SLC6A9: variants seen among roughly 807,000 people sequenced by gnomAD.
SLC6A9 encodes sodium- and chloride-dependent glycine transporter 1.
A neutral mutation model predicts 70.9 loss-of-function variants in SLC6A9; 31 were observed. The ratio of observed to expected loss-of-function variants is 0.44; its 90% CI spans 0.33 to 0.59. The LOEUF is 0.59. Among genes scored for constraint, SLC6A9 ranks in the 20% least tolerant of loss-of-function variants. The probability of loss-of-function intolerance (pLI) is 0.04; values close to 1 mark genes in which losing one functional copy is unlikely to be tolerated. For synonymous variants in SLC6A9, 310 were observed against 341.3 expected (o/e 0.91, Z 1.01); for missense variants, 631 against 845.2 (o/e 0.75, Z 3.14).
chr1:44,009,721 T>C (rs1028158204), intron 4 of SLC6A9, among the ~76,000 whole-genome samples: 4 of 151,884 alleles, frequency 2.6e-5, no homozygotes, highest in African/African-American at 9.7e-5. Context: ...TTGGTAGGGG[T>C]AAGTTGGCGG....
intron 4 of SLC6A9, among the ~76,000 whole-genome samples, chr1:44,009,387 TTTTG>T (rs1217090326): frequency 3.3e-5 from 5 of 151,808 alleles, no homozygotes; most frequent in Non-Finnish European, 7.4e-5. Context: ...ACCAAGCTAA[TTTTG>T]TTTTTGTATT....
intron 2 of SLC6A9, among the ~76,000 whole-genome samples, chr1:44,019,551 T>G (rs2086841899): frequency 6.6e-6 from 1 of 152,240 alleles, no homozygotes; most frequent in Admixed American, 6.5e-5. Flanking sequence ...AAATGCTCAC[T>G]TGCACCGAGG....
intron 3 of SLC6A9, 25 bp downstream of exon 3, chr1:44,010,701 T>C (rs763684908): frequency 6.2e-7 from 1 of 1,611,436 alleles, no homozygotes. Context: ...AAGTGGGTGG[T>C]CCCTGCCCTG....
At chr1:44,001,726 A>G in intron 8 of SLC6A9, 99 bp from the exon 9 acceptor site, 2 of 866,722 alleles carry the variant, frequency 2.3e-6, no homozygotes, top group South Asian at 1.6e-5. Flanking sequence ...GGCACCCCCA[A>G]CTCTTTTTTT....
intron 2 of SLC6A9, among the ~76,000 whole-genome samples, chr1:44,012,537 C>T (rs935757227): frequency 1.3e-5 from 2 of 152,268 alleles, no homozygotes; most frequent in Non-Finnish European, 2.9e-5. Flanking sequence ...TTGATTCATT[C>T]ATGCAATGGC....
In SLC6A9 at chr1:43,997,741, T is replaced by A. The variant is rs746344244; in HGVS notation, c.1708-2A>T. On this transcript the variant is annotated splice_acceptor_variant, in intron 13 of 13. Coordinates refer to ENST00000372310, the MANE Select transcript of SLC6A9 (RefSeq NM_001024845.3). LOFTEE classifies it high-confidence loss of function. This position sits in a 1 kb window ranked among gnomAD's most constrained non-coding sequence, Gnocchi z 4.4. ...TGGCTTTGTGGCATTTTTCAAACGCTGCATGAGGTAGGCATGGGGCACAGG... is the reference window on the plus strand; with the variant it reads ...TGGCTTTGTGGCATTTTTCAAACGCAGCATGAGGTAGGCATGGGGCACAGG... 8 of 1,605,044 alleles carry A rather than the reference T, an allele frequency of 5.0e-6. No homozygotes were observed. In the African/African-American group the frequency reaches 9.4e-5, roughly 19 times the overall value.
chr1:44,022,620 T>C (rs2086903647), intron 2 of SLC6A9, among the ~76,000 whole-genome samples: 1 of 151,882 alleles, frequency 6.6e-6, no homozygotes, highest in Non-Finnish European at 1.5e-5. Context: ...TGCTGGAGGT[T>C]CAGAACAGGG....
At chr1:43,999,672 A>G (rs904422178) in intron 12 of SLC6A9, among the ~76,000 whole-genome samples, 2 of 152,064 alleles carry the variant, frequency 1.3e-5, no homozygotes. Context: ...GCTCGGGAAC[A>G]TCCCACAACC....
At chr1:44,022,235 C>T (rs982752131) in intron 2 of SLC6A9, among the ~76,000 whole-genome samples, 3 of 152,218 alleles carry the variant, frequency 2.0e-5, no homozygotes, top group African/African-American at 2.4e-5. Context: ...CACATCTCTC[C>T]TGCCTGCCCT....
At chr1:44,001,109 C>A in intron 10 of SLC6A9, 54 bp from the exon 11 acceptor site, 1 of 1,612,602 alleles carries the variant, frequency 6.2e-7, no homozygotes, top group Non-Finnish European at 8.5e-7. Flanking sequence ...CTCCCCAACC[C>A]TTCCCTGCAC....
At chr1:44,031,166 TCACACA>T (rs66939562) in intron 1 of SLC6A9, 134 bp downstream of exon 1, 35,599 of 148,188 alleles carry the variant, frequency 0.24, 4,474 homozygotes, top group Middle Eastern at 0.31. Flanking sequence ...ACATGCGCGA[TCACACA>T]CACACACACA....
In SLC6A9 at chr1:44,003,001, T is replaced by C. The variant is rs2154304738; in HGVS notation, c.591-16A>G. 6.2e-7 allele frequency: 1 copy of C among 1,613,598 alleles called. No individual in the cohort carries two copies. The highest frequency in any genetic ancestry group is 8.5e-7 in the Non-Finnish European group (1 of 1,179,736). On this transcript the variant is annotated splice_polypyrimidine_tract_variant and intron_variant, in intron 5 of 13. Transcript: ENST00000372310. ...CACGTACAGCCTGGGAAGGGGAGAC[T>C]CTGTCACTGAGGGCCAGCCGCCGCT...
chr1:44,003,472 C>T (rs2086194712), intron 5 of SLC6A9, among the ~76,000 whole-genome samples: 1 of 152,156 alleles, frequency 6.6e-6, no homozygotes, highest in Non-Finnish European at 1.5e-5. Flanking sequence ...AAGATTGGAC[C>T]CTGGCTGGGT....
At position 43,997,432 on chromosome 1, in the gene SLC6A9, C is replaced by T; in HGVS notation, c.*113G>A. 1.1e-6 allele frequency: 1 copy of T among 892,942 alleles called. No homozygotes were observed. The highest frequency in any genetic ancestry group is 3.2e-4 in the Middle Eastern group (1 of 3,100). The allele number at this position is 892,942 out of a possible 1,614,324, so 55.3% of individuals were successfully genotyped here. ...GCAGTGGTGACCAAGGTGACAGCAG[C>T]CGTCCTGGCCAGGGCGTGGCAGGGG... On this transcript the variant is annotated 3_prime_UTR_variant, in exon 14 of 14. Transcript: ENST00000372310. The surrounding 1 kb of genome is among the most constrained non-coding windows in gnomAD (Gnocchi z 4.4).
At chr1:44,029,420 G>A (rs1471485464) in intron 1 of SLC6A9, among the ~76,000 whole-genome samples, 1 of 152,206 alleles carries the variant, frequency 6.6e-6, no homozygotes, top group South Asian at 2.1e-4. Flanking sequence ...GCCGCCACGT[G>A]AGACTACCCA....
In SLC6A9 at chr1:43,996,576, T is replaced by C. The variant is rs981819782; in HGVS notation, c.*969A>G. On this transcript the variant is annotated 3_prime_UTR_variant, in exon 14 of 14. Coordinates refer to ENST00000372310, the MANE Select transcript of SLC6A9 (RefSeq NM_001024845.3). ...GGGATGGGCGGCGCACCGTTATTGC[T>C]ACAGAGGATTAGAGGTGGCTTGGCC... 10 of 182,134 alleles carry C rather than the reference T, an allele frequency of 5.5e-5. No homozygotes were observed. Among genetic ancestry groups the C allele is most frequent in the Non-Finnish European group, 1.1e-4 (10 of 87,730 alleles). The allele number at this position is 182,134 out of a possible 1,614,324, so 11.3% of individuals were successfully genotyped here.
chr1:44,020,270 C>T (rs894126027), intron 2 of SLC6A9, among the ~76,000 whole-genome samples: 20 of 152,322 alleles, frequency 1.3e-4, no homozygotes, highest in Admixed American at 2.6e-4. Flanking sequence ...GTGCCAAATC[C>T]GATGCTGATC....
intron 2 of SLC6A9, among the ~76,000 whole-genome samples, chr1:44,016,176 C>G (rs1438996874): frequency 1.3e-5 from 2 of 152,176 alleles, no homozygotes; most frequent in Non-Finnish European, 2.9e-5. Context: ...TCGCTTCCCA[C>G]CCCAGACAAG....
intron 2 of SLC6A9, among the ~76,000 whole-genome samples, chr1:44,016,836 C>T (rs1335309220): frequency 6.6e-6 from 1 of 152,168 alleles, no homozygotes; most frequent in Admixed American, 6.5e-5. Flanking sequence ...CCACTCTCCT[C>T]CCCCTCACCC....
Sources: gnomAD v4.1 joint callset for allele counts (sites outside exome capture counted in the v4.1 genomes callset) on GRCh38, gnomAD v4.1.1 for gene constraint, Gnocchi (gnomAD v3.1) non-coding constraint, MANE v1.5 for transcripts, NCBI Gene and HGNC (gene_info 2026-07-23, HGNC 2026-07-21) for gene names.